The following KALRN variants were observed in gnomAD, a reference collection of about 807,000 sequenced individuals.
KALRN encodes kalirin.
In KALRN, 70 loss-of-function variants were observed where a neutral mutation model predicts 353.7. The observed-to-expected ratio is 0.20, with a 90% CI of 0.16 to 0.24. KALRN has a LOEUF of 0.24. KALRN is among the 10% of genes least tolerant of loss of function. The pLI, the probability that KALRN is intolerant of heterozygous loss-of-function variation, is 1.00. For synonymous variants in KALRN, 1,391 were observed against 1,434.8 expected (o/e 0.97, Z 0.69); for missense variants, 2,791 against 3,756.7 (o/e 0.74, Z 6.72).
At chr3:124,429,531 A>T (rs1343532486) in intron 15 of KALRN, among the ~76,000 whole-genome samples, 1 of 152,116 alleles carries the variant, frequency 6.6e-6, no homozygotes, top group Non-Finnish European at 1.5e-5. Flanking sequence ...AAACTCTCAG[A>T]CTCCCTAATA....
intron 34 of KALRN, among the ~76,000 whole-genome samples, chr3:124,576,637 A>G (rs1237801779): frequency 6.6e-6 from 1 of 152,168 alleles, no homozygotes; most frequent in African/African-American, 2.4e-5. Context: ...CATCCTTTCT[A>G]TTATTGGAAA....
intron 5 of KALRN, among the ~76,000 whole-genome samples, chr3:124,284,314 A>G (rs1300977123): frequency 1.3e-5 from 2 of 152,042 alleles, no homozygotes; most frequent in African/African-American, 4.8e-5. Context: ...GTATCTCCCT[A>G]TCTCCTACTA....
intron 1 of KALRN, among the ~76,000 whole-genome samples, chr3:124,218,563 C>T (rs1293543452): frequency 6.6e-6 from 1 of 152,228 alleles, no homozygotes; most frequent in Admixed American, 6.5e-5. Context: ...ACTATCACCA[C>T]TACCTGTGAT....
intron 36 of KALRN, among the ~76,000 whole-genome samples, chr3:124,636,913 A>G (rs1049049480): frequency 3.9e-5 from 6 of 152,162 alleles, no homozygotes; most frequent in African/African-American, 9.7e-5. Flanking sequence ...TAGGTACAAC[A>G]CTAGTCTGTA....
At chr3:124,698,140 T>C (rs577093672) in intron 55 of KALRN, among the ~76,000 whole-genome samples, 1 of 152,176 alleles carries the variant, frequency 6.6e-6, no homozygotes, top group South Asian at 2.1e-4. Context: ...GGCTAATTTT[T>C]GTATTTTTAG....
intron 51 of KALRN, among the ~76,000 whole-genome samples, chr3:124,687,885 CACTT>C (rs35096953): frequency 0.16 from 23,794 of 151,624 alleles, 2,329 homozygotes; most frequent in Middle Eastern, 0.26. Context: ...TGAAGAAAAA[CACTT>C]AGAACTAAAT....
At chr3:124,514,943 G>A (rs568761403) in intron 33 of KALRN, among the ~76,000 whole-genome samples, 71 of 152,298 alleles carry the variant, frequency 4.7e-4, no homozygotes, top group Non-Finnish European at 8.7e-4. Flanking sequence ...GGAATTTAGA[G>A]GAGGCTGTTT....
intron 45 of KALRN, among the ~76,000 whole-genome samples, chr3:124,664,105 T>A (rs1184295073): frequency 6.6e-6 from 1 of 152,156 alleles, no homozygotes; most frequent in Non-Finnish European, 1.5e-5. Context: ...TCCGTCATAC[T>A]GGGTGGAGTT....
chr3:124,472,697 T>C (rs996301649), intron 25 of KALRN, among the ~76,000 whole-genome samples: 3 of 152,092 alleles, frequency 2.0e-5, no homozygotes, highest in Non-Finnish European at 2.9e-5. Flanking sequence ...AAACTAAGTT[T>C]GATCCTCAAT....
chr3:124,568,772 A>G (rs2073164771), intron 34 of KALRN, among the ~76,000 whole-genome samples: 1 of 152,244 alleles, frequency 6.6e-6, no homozygotes, highest in African/African-American at 2.4e-5. Context: ...TTCCATTTAA[A>G]TGAAATACCT....
At chr3:124,714,923 G>A (rs2063064472) in intron 58 of KALRN, among the ~76,000 whole-genome samples, 1 of 151,610 alleles carries the variant, frequency 6.6e-6, no homozygotes, top group South Asian at 2.1e-4. Context: ...GGCTGAGGCA[G>A]GAGAATTGCT....
At chr3:124,526,636 G>A (rs1226496587) in intron 33 of KALRN, among the ~76,000 whole-genome samples, 1 of 152,100 alleles carries the variant, frequency 6.6e-6, no homozygotes, top group African/African-American at 2.4e-5. Context: ...GAGGAGTAAG[G>A]ATGTGGAGGG....
At chr3:124,446,322 A>G in intron 20 of KALRN, 46 bp downstream of exon 20, 1 of 1,386,566 alleles carries the variant, frequency 7.2e-7, no homozygotes, top group Non-Finnish European at 1.0e-6. Flanking sequence ...TGGGGAGCAT[A>G]CAGAGGCCCA....
At chr3:124,571,736 G>A (rs921853363) in intron 34 of KALRN, among the ~76,000 whole-genome samples, 1 of 151,714 alleles carries the variant, frequency 6.6e-6, no homozygotes, top group African/African-American at 2.4e-5. Flanking sequence ...TGTTGCCCAG[G>A]CTGGAGTGCA....
chr3:124,165,847 T>C (rs2070756737), intron 1 of KALRN, among the ~76,000 whole-genome samples: 1 of 152,156 alleles, frequency 6.6e-6, no homozygotes, highest in Non-Finnish European at 1.5e-5. Context: ...CCTCACATGA[T>C]CTCTTTCTCA....
At chr3:124,057,605 T>C (rs1055419656) in intron 1 of KALRN, among the ~76,000 whole-genome samples, 1 of 152,096 alleles carries the variant, frequency 6.6e-6, no homozygotes, top group Admixed American at 6.5e-5. Context: ...TGGCCCTGCC[T>C]GCACTTGTGC....
Position 124,347,274 on chromosome 3 carries a change from CTGTG to C in KALRN, c.1770+53_1770+56del, listed in dbSNP as rs61359186. 2.5e-3 allele frequency: 2,901 copies of C among 1,152,938 alleles called. 27 individuals carry two copies. In the East Asian group the frequency reaches 0.04, roughly 16 times the overall value. The allele number at this position is 1,152,938 out of a possible 1,614,324, so 71.4% of individuals were successfully genotyped here. A position where few individuals can be genotyped will look rare whatever the true frequency, so the allele number is the denominator to read the frequency against. ...TTGAAGAGGTGGCTCAGGTGAGAAG[CTGTG>C]TGTGTGTGTGTGTGTGTGTGTGTGT... On this transcript the variant is annotated intron_variant, in intron 10 of 59. Coordinates refer to ENST00000682506, the MANE Select transcript of KALRN (RefSeq NM_001388419.1).
intron 57 of KALRN, among the ~76,000 whole-genome samples, chr3:124,708,114 C>A (rs1189372106): frequency 3.3e-5 from 5 of 152,194 alleles, no homozygotes; most frequent in Non-Finnish European, 7.3e-5. Flanking sequence ...CAGTCTGAAC[C>A]TAACCAAGTT....
At chr3:124,637,582 A>C (rs978065799) in intron 37 of KALRN, among the ~76,000 whole-genome samples, 3 of 152,220 alleles carry the variant, frequency 2.0e-5, no homozygotes, top group Non-Finnish European at 2.9e-5. Flanking sequence ...CCAGCGGCCC[A>C]CAGGCAAGTG....
Sources: allele counts gnomAD v4.1 joint callset (sites outside exome capture counted in the v4.1 genomes callset), GRCh38; gene constraint gnomAD v4.1.1; transcripts MANE v1.5; gene names NCBI Gene and HGNC (gene_info 2026-07-23, HGNC 2026-07-21).